TCF25: variants seen among roughly 807,000 people sequenced by gnomAD.
TCF25 encodes TCF25 ribosome quality control complex subunit.
TCF25 carries 41 observed loss-of-function variants against 83.1 expected under a neutral mutation model. That is an observed-to-expected ratio of 0.49 (90% CI 0.38 to 0.64). TCF25 has a LOEUF of 0.64. Among genes scored for constraint, TCF25 ranks in the 30% least tolerant of loss-of-function variants. The pLI is 0.00. For missense variants in TCF25, 979 were observed against 914.5 expected, an observed-to-expected ratio of 1.07 and a Z score of -0.91; for synonymous variants, 458 against 365.0, an observed-to-expected ratio of 1.25 and a Z score of -2.90.
intron 15 of TCF25, among the ~76,000 whole-genome samples, chr16:89,906,886 T>C (rs896245795): frequency 2.6e-5 from 4 of 152,092 alleles, no homozygotes; most frequent in African/African-American, 4.8e-5. Context: ...CGAGGGCAGC[T>C]CAGGGTCCCT....
At position 89,900,543 on chromosome 16, in the gene TCF25, A is replaced by G. The variant is rs1490173456; in HGVS notation, c.1222-92A>G. ...CCTGCAGAATATACCTGCTCGGGGT[A>G]GGGCTCACTGGTGATGTCAGAGCGT... On this transcript the variant is annotated intron_variant, in intron 11 of 17. Coordinates refer to ENST00000263346, the MANE Select transcript of TCF25 (RefSeq NM_014972.3). The G allele has an allele frequency of 3.5e-6, 5 of 1,423,030 alleles. No individual in the cohort carries two copies. The Admixed American group carries it at 8.1e-5, about 23-fold the overall frequency. The allele number at this position is 1,423,030 out of a possible 1,614,324, so 88.2% of individuals were successfully genotyped here.
Position 89,904,220 on chromosome 16 carries a change from G to A in TCF25, c.1469+15G>A. ...GCTGAAATAAGGTAAAGAGTGGCTG[G>A]TGGTGCCCATCTGTGGGTGCCTGTG... On this transcript the variant is annotated intron_variant, in intron 13 of 17. Coordinates refer to ENST00000263346, the MANE Select transcript of TCF25 (RefSeq NM_014972.3). 1.9e-6 allele frequency: 3 copies of A among 1,556,736 alleles called. No individual in the cohort carries two copies. In the East Asian group the frequency reaches 7.3e-5, roughly 38 times the overall value.
intron 1 of TCF25, among the ~76,000 whole-genome samples, chr16:89,876,279 A>G (rs935807613): frequency 3.9e-5 from 6 of 152,214 alleles, no homozygotes; most frequent in Non-Finnish European, 8.8e-5. Context: ...CTTAAAACTC[A>G]TATTTGGAAA....
At chr16:89,898,910 A>C in intron 11 of TCF25, 38 bp downstream of exon 11, 2 of 1,583,746 alleles carry the variant, frequency 1.3e-6, no homozygotes, top group Non-Finnish European at 1.7e-6. Flanking sequence ...GGAGGGACGG[A>C]CACCTGCTTC....
At chr16:89,875,766 C>T (rs1370314315) in intron 1 of TCF25, among the ~76,000 whole-genome samples, 2 of 149,862 alleles carry the variant, frequency 1.3e-5, no homozygotes, top group Non-Finnish European at 3.0e-5. Flanking sequence ...TCGTGATCCG[C>T]CTGCCTCGGC....
intron 9 of TCF25, among the ~76,000 whole-genome samples, chr16:89,896,294 A>C (rs925125932): frequency 6.6e-6 from 1 of 152,172 alleles, no homozygotes; most frequent in African/African-American, 2.4e-5. Context: ...GACATGCCTG[A>C]TGCTACTGTG....
chr16:89,880,102 C>T (rs62056114), intron 1 of TCF25, among the ~76,000 whole-genome samples: 17 of 149,228 alleles, frequency 1.1e-4, no homozygotes, highest in South Asian at 6.4e-4. Context: ...GACAGGCTCC[C>T]GGGCCTATCA....
chr16:89,903,967 C>A, intron 12 of TCF25, 151 bp from the exon 13 acceptor site: 2 of 751,912 alleles, frequency 2.7e-6, no homozygotes, highest in Non-Finnish European at 4.3e-6. Context: ...CAGAATACCA[C>A]CCGGAAGCAA....
intron 1 of TCF25, among the ~76,000 whole-genome samples, chr16:89,882,839 A>G (rs2042712295): frequency 6.6e-6 from 1 of 152,184 alleles, no homozygotes; most frequent in South Asian, 2.1e-4. Flanking sequence ...CGCCTGCATC[A>G]ACCTCCCAAA....
At chr16:89,905,221 G>T (rs1293240909) in intron 14 of TCF25, 125 bp downstream of exon 14, 1 of 1,330,580 alleles carries the variant, frequency 7.5e-7, no homozygotes, top group East Asian at 2.5e-5. Context: ...TTGCTGTGGG[G>T]CCTGTGTGGA....
chr16:89,900,259 C>G (rs1035858702), intron 11 of TCF25, among the ~76,000 whole-genome samples: 2 of 136,728 alleles, frequency 1.5e-5, no homozygotes, highest in South Asian at 2.5e-4. Flanking sequence ...ACTCGCGCGG[C>G]AGTGGGCTGC....
chr16:89,883,901 C>G (rs927321808), intron 2 of TCF25: 6 of 207,322 alleles, frequency 2.9e-5, no homozygotes, highest in Non-Finnish European at 6.0e-5. Flanking sequence ...GATCTGGGTG[C>G]TGGTGTAAGT....
At chr16:89,892,454 C>G (rs2043505371) in intron 6 of TCF25, among the ~76,000 whole-genome samples, 179 bp downstream of exon 6, 1 of 152,060 alleles carries the variant, frequency 6.6e-6, no homozygotes, top group Admixed American at 6.5e-5. Context: ...CCTCTTGAGC[C>G]GAGACTCTTT....
At position 89,884,653 on chromosome 16, in the gene TCF25, A is replaced by G; in HGVS notation, c.426A>G (p.Ala142=). ...ACAAGAAAAGCAGCACGGGAGAAGC[A>G]TCGGTACGTGAGTTGGGCCTGGCTG... ...QKNKKSSTGE[A]SENGLEDIDR... is the part of the protein sequence containing the mutation. The change falls in exon 3 of 18, where the codon GCA becomes GCG. Residue 142 remains alanine (A), a synonymous_variant. Coordinates refer to ENST00000263346, the MANE Select transcript of TCF25 (RefSeq NM_014972.3). The G allele has an allele frequency of 3.7e-6, 6 of 1,612,104 alleles. No homozygotes were observed. Among genetic ancestry groups the G allele is most frequent in the South Asian group, 1.1e-5 (1 of 90,838 alleles).
chr16:89,890,911 A>G (rs1301901851), intron 5 of TCF25, among the ~76,000 whole-genome samples: 1 of 152,020 alleles, frequency 6.6e-6, no homozygotes, highest in Non-Finnish European at 1.5e-5. Flanking sequence ...TTACATGGAG[A>G]AGCCACAGTT....
chr16:89,881,415 A>G lies in TCF25; in HGVS notation c.193-1936A>G, dbSNP rs142559894. ...GATCCATCAGAATCTCCTAGTTCAT[A>G]AAGAATTGTTGATGCTGGTCTCTGT... On this transcript the variant is annotated intron_variant, in intron 1 of 17. Transcript: ENST00000263346. 3.5e-4 allele frequency among the ~76,000 whole-genome samples: 53 copies of G among 152,278 alleles called. No individual in the cohort carries two copies. The East Asian group carries it at 9.4e-3, about 27-fold the overall frequency.
At position 89,873,741 on chromosome 16, in the gene TCF25, A is replaced by G; in HGVS notation, c.74A>G (p.His25Arg). The G allele has an allele frequency of 6.2e-7, 1 of 1,611,056 alleles. No homozygotes were observed. Among genetic ancestry groups the G allele is most frequent in the Non-Finnish European group, 8.5e-7 (1 of 1,179,212 alleles). Residue 25 changes from histidine to arginine, a missense_variant, in exon 1 of 18, where the codon CAT (histidine) becomes CGT (arginine). Coordinates refer to ENST00000263346, the MANE Select transcript of TCF25 (RefSeq NM_014972.3). Reference protein sequence around the residue: ...GQEPLGPGALHFDLRDDDDAE... With the variant: ...GQEPLGPGALRFDLRDDDDAE... ...GAGCCCCTCGGGCCCGGCGCCTTGC[A>G]TTTCGATCTCCGTGATGACGATGAC...
At chr16:89,888,957 GA>G in intron 5 of TCF25, among the ~76,000 whole-genome samples, 1 of 151,232 alleles carries the variant, frequency 6.6e-6, no homozygotes, top group South Asian at 2.1e-4. Context: ...AAAGTGCTGG[GA>G]TTACAGGCGT....
chr16:89,900,818 T>A (rs1481399098), intron 12 of TCF25, 24 bp downstream of exon 12: 1 of 1,553,522 alleles, frequency 6.4e-7, no homozygotes, highest in Non-Finnish European at 8.8e-7. Flanking sequence ...GTGTCTCGCC[T>A]GGGGTAGGGG....
Sources: gnomAD v4.1 joint callset for allele counts (sites outside exome capture counted in the v4.1 genomes callset) on GRCh38, gnomAD v4.1.1 for gene constraint, MANE v1.5 for transcripts, NCBI Gene and HGNC (gene_info 2026-07-23, HGNC 2026-07-21) for gene names.